The following ANKRA2 variants were observed in gnomAD, a reference collection of about 807,000 sequenced individuals.
The protein encoded by ANKRA2 is ankyrin repeat family A member 2, also known as ankyrin repeat family A protein 2.
A neutral mutation model predicts 37.8 loss-of-function variants in ANKRA2; 33 were observed. The ratio of observed to expected loss-of-function variants is 0.87; its 90% CI spans 0.66 to 1.17. The LOEUF (loss-of-function observed/expected upper bound fraction) is 1.17. ANKRA2 is among the 50% of genes most tolerant of loss of function. The pLI is 0.00. For missense variants in ANKRA2, 326 were observed against 373.7 expected, an observed-to-expected ratio of 0.87 and a Z score of 1.05; for synonymous variants, 126 against 132.3, an observed-to-expected ratio of 0.95 and a Z score of 0.33.
At position 73,555,640 on chromosome 5, in the gene ANKRA2, T is replaced by C. The variant is rs1747380547; in HGVS notation, c.515-55A>G. On this transcript the variant is annotated intron_variant, in intron 4 of 8. Transcript: ENST00000296785. ...CTAATTTAACAACCATATCTTAATA[T>C]CACTATGAAAAACTGGCATTCCAAA... The C allele has an allele frequency of 4.7e-6, 7 of 1,479,456 alleles. No homozygotes were observed. In the Admixed American group the frequency reaches 7.0e-5, roughly 15 times the overall value. The allele number at this position is 1,479,456 out of a possible 1,614,324, so 91.6% of individuals were successfully genotyped here.
At chr5:73,557,124 C>T (rs1278726643) in intron 4 of ANKRA2, among the ~76,000 whole-genome samples, 1 of 150,092 alleles carries the variant, frequency 6.7e-6, no homozygotes, top group Non-Finnish European at 1.5e-5. Context: ...TAACATAGAA[C>T]ACGTACATGC....
At chr5:73,555,607 T>C (rs1175572586) in intron 4 of ANKRA2, 22 bp from the exon 5 acceptor site, 1 of 1,594,180 alleles carries the variant, frequency 6.3e-7, no homozygotes, top group East Asian at 2.2e-5. Flanking sequence ...AAAAGCAATT[T>C]TTGTGATCTA....
rs2112029411 is a variant in ANKRA2 at position 73,564,870 on chromosome 5, G to A, written c.-105+262C>T. ...GGTAGGCCAAAATTTTGAAGAACAG[G>A]AGAGGGAGGCGGGGGTGAGGGGAGT... On this transcript the variant is annotated intron_variant, in intron 1 of 8. Coordinates refer to ENST00000296785, the MANE Select transcript of ANKRA2 (RefSeq NM_023039.5). Among the ~76,000 whole-genome samples, 2 of 151,886 alleles carry A rather than the reference G, an allele frequency of 1.3e-5. 1 individual carries two copies. The highest frequency in any genetic ancestry group is 4.1e-4 in the South Asian group (2 of 4,824).
chr5:73,558,531 A>AATTT (rs1393333526), intron 3 of ANKRA2, among the ~76,000 whole-genome samples: 3 of 151,930 alleles, frequency 2.0e-5, no homozygotes, highest in East Asian at 1.9e-4. Context: ...CTTGAGAGTA[A>AATTT]ATTTATTTAT....
In ANKRA2 at chr5:73,565,191, ACT is replaced by A. The variant is rs1747696331; in HGVS notation, c.-166_-165del. 1.3e-5 allele frequency: 2 copies of A among 151,514 alleles called. No homozygotes were observed. The highest frequency in any genetic ancestry group is 4.9e-5 in the African/African-American group (2 of 41,196). 9.4% of individuals were successfully genotyped at this position (151,514 alleles called of 1,614,324 possible). ...CCCGCTGTCTCCCGCTGGAGGGGAG[ACT>A]CTTGCAGGAAAGAAAGTCCGTTCTG... On this transcript the variant is annotated 5_prime_UTR_variant, in exon 1 of 9. An upstream open reading frame in the 5' UTR loses its in-frame stop. Coordinates refer to ENST00000296785, the MANE Select transcript of ANKRA2 (RefSeq NM_023039.5).
At chr5:73,562,549 CA>C in intron 2 of ANKRA2, 43 bp downstream of exon 2, 1 of 1,513,098 alleles carries the variant, frequency 6.6e-7, no homozygotes, top group Non-Finnish European at 8.9e-7. Flanking sequence ...CCCAAATATA[CA>C]AAAACAAAAA....
Position 73,552,720 on chromosome 5 carries a change from A to G in ANKRA2, c.*77T>C. On this transcript the variant is annotated 3_prime_UTR_variant, in exon 9 of 9. Coordinates refer to ENST00000296785, the MANE Select transcript of ANKRA2 (RefSeq NM_023039.5). ...AGTAAATATTGCAACTGAGGTAAAA[A>G]TTTATAAGTAAACAAAACTATCATT... The G allele has an allele frequency of 7.1e-7, 1 of 1,403,706 alleles. No individual in the cohort carries two copies. Among genetic ancestry groups the G allele is most frequent in the South Asian group, 1.3e-5 (1 of 79,826 alleles). The allele number at this position is 1,403,706 out of a possible 1,614,324, so 87.0% of individuals were successfully genotyped here.
At chr5:73,555,795 GATAGCAT>G (rs1437553387) in intron 4 of ANKRA2, among the ~76,000 whole-genome samples, 1 of 152,176 alleles carries the variant, frequency 6.6e-6, no homozygotes, top group Non-Finnish European at 1.5e-5. Context: ...GCCGGGTTCA[GATAGCAT>G]ATTACTTAAA....
At chr5:73,558,846 T>C (rs1216201325) in intron 3 of ANKRA2, among the ~76,000 whole-genome samples, 1 of 152,218 alleles carries the variant, frequency 6.6e-6, no homozygotes, top group East Asian at 1.9e-4. Context: ...GAATAAATTC[T>C]TGAGTGTAGG....
Position 73,555,639 on chromosome 5 carries a change from A to C in ANKRA2, c.515-54T>G, listed in dbSNP as rs1747380488. ...TCTAATTTAACAACCATATCTTAAT[A>C]TCACTATGAAAAACTGGCATTCCAA... is the stretch of plus-strand genomic sequence containing the variant. On this transcript the variant is annotated intron_variant, in intron 4 of 8. Coordinates refer to ENST00000296785, the MANE Select transcript of ANKRA2 (RefSeq NM_023039.5). The C allele has an allele frequency of 6.8e-6, 10 of 1,479,528 alleles. No individual in the cohort carries two copies. In the East Asian group the frequency reaches 2.3e-4, roughly 34 times the overall value. The allele number at this position is 1,479,528 out of a possible 1,614,324, so 91.7% of individuals were successfully genotyped here. A position where few individuals can be genotyped will look rare whatever the true frequency, so the allele number is the denominator to read the frequency against.
At position 73,553,493 on chromosome 5, in the gene ANKRA2, C is replaced by A. The variant is rs1461760290; in HGVS notation, c.806-7G>T. ...GTTGGATCAGCCCCACTTTCTATAC[C>A]AAAATAGAAAAACTACATAAATGAA... is the stretch of plus-strand genomic sequence containing the variant. On this transcript the variant is annotated splice_region_variant and splice_polypyrimidine_tract_variant and intron_variant, in intron 7 of 8. Transcript: ENST00000296785. 1 of 1,599,446 alleles carries A rather than the reference C, an allele frequency of 6.3e-7. No homozygotes were observed. Among genetic ancestry groups the A allele is most frequent in the South Asian group, 1.1e-5 (1 of 90,658 alleles).
In ANKRA2 at chr5:73,554,484, A is replaced by G. The variant is rs558171197; in HGVS notation, c.739-96T>C. 7.6e-4 allele frequency: 598 copies of G among 791,886 alleles called. 14 individuals are homozygous for G. The South Asian group carries it at 9.3e-3, about 12-fold the overall frequency. The allele number at this position is 791,886 out of a possible 1,614,324, so 49.1% of individuals were successfully genotyped here. On this transcript the variant is annotated intron_variant, in intron 6 of 8. Transcript: ENST00000296785. ...GAAGTTTTACTAGAATTAGACATATAATCATTTAAAGTAATTTTAATATTT... is the reference window on the plus strand; with the variant it reads ...GAAGTTTTACTAGAATTAGACATATGATCATTTAAAGTAATTTTAATATTT...
At chr5:73,561,436 C>A (rs1747551500) in intron 2 of ANKRA2, 148 bp from the exon 3 acceptor site, 1 of 787,048 alleles carries the variant, frequency 1.3e-6, no homozygotes, top group Non-Finnish European at 1.9e-6. Flanking sequence ...TCATTAAAGT[C>A]CATACTTCCT....
Position 73,562,639 on chromosome 5 carries a change from T to C in ANKRA2, c.243A>G (p.Gln81=), listed in dbSNP as rs1162260857. The change falls in exon 2 of 9, where the codon CAA becomes CAG. Residue 81 remains glutamine, a synonymous_variant. Coordinates refer to ENST00000296785, the MANE Select transcript of ANKRA2 (RefSeq NM_023039.5). ...CCTCCAGGTCAGAGTTAACCTGATCTTGAATATTTTTACTATCTTCTTCAT... is the reference window on the plus strand; with the variant it reads ...CCTCCAGGTCAGAGTTAACCTGATCCTGAATATTTTTACTATCTTCTTCAT... ...SLNEEDSKNI[Q]DQVNSDLEVA... is the part of the protein sequence containing the mutation. 2 of 1,614,216 alleles carry C rather than the reference T, an allele frequency of 1.2e-6. No homozygotes were observed. Among genetic ancestry groups the C allele is most frequent in the Non-Finnish European group, 1.7e-6 (2 of 1,180,032 alleles).
Position 73,562,731 on chromosome 5 carries a change from C to A in ANKRA2, c.151G>T (p.Gly51Ter), listed in dbSNP as rs559271065. Residue 51 changes from glycine to a stop codon, truncating the protein, a stop_gained, in exon 2 of 9, where the codon GGA becomes TGA. Transcript: ENST00000296785. LOFTEE classifies it high-confidence loss of function. Reference sequence around the variant, plus strand: ...CGGTTAGGCAATATGAATTTCATTCCCATGGCAACACCCTGAGCTGACCCT... The same window carrying A: ...CGGTTAGGCAATATGAATTTCATTCACATGGCAACACCCTGAGCTGACCCT... Reference protein sequence around the residue: ...EEGSAQGVAMGMKFILPNRFD... With the variant: ...EEGSAQGVAM 1.2e-6 allele frequency: 2 copies of A among 1,614,104 alleles called. No individual in the cohort carries two copies. The highest frequency in any genetic ancestry group is 2.2e-5 in the South Asian group (2 of 91,078).
chr5:73,559,211 A>ATTCT (rs901421999), intron 3 of ANKRA2, among the ~76,000 whole-genome samples: 17 of 152,312 alleles, frequency 1.1e-4, no homozygotes, highest in African/African-American at 3.4e-4. Flanking sequence ...GTGACTCAGA[A>ATTCT]ATCAGGAGGG....
rs1008331184 is a variant in ANKRA2, at chr5:73,554,303, T to C, written c.805+19A>G. 1.2e-6 allele frequency: 2 copies of C among 1,609,332 alleles called. No homozygotes were observed. The highest frequency in any genetic ancestry group is 2.7e-5 in the African/African-American group (2 of 74,804). On this transcript the variant is annotated intron_variant, in intron 7 of 8. Transcript: ENST00000296785. ...AATCAAGTCCTCACATGGCATTTTC[T>C]AAATTTTTATCTGCTTACCTAAGAG...
At chr5:73,561,731 C>T (rs1312753641) in intron 2 of ANKRA2, among the ~76,000 whole-genome samples, 1 of 151,928 alleles carries the variant, frequency 6.6e-6, no homozygotes, top group African/African-American at 2.4e-5. Context: ...CTCGCCACTG[C>T]ACTCCAGCCT....
Position 73,554,543 on chromosome 5 carries a change from A to G in ANKRA2, c.739-155T>C, listed in dbSNP as rs537222529. The G allele has an allele frequency of 2.6e-4, 154 of 587,050 alleles. 3 individuals are homozygous for G. The South Asian group carries it at 3.5e-3, about 13-fold the overall frequency. The allele number at this position is 587,050 out of a possible 1,614,324, so 36.4% of individuals were successfully genotyped here. On this transcript the variant is annotated intron_variant, in intron 6 of 8. Coordinates refer to ENST00000296785, the MANE Select transcript of ANKRA2 (RefSeq NM_023039.5). ...ATACTTAAATCAGAACTAATAATTG[A>G]GTCTATGATATTAACTTTTTCTTCT... is the stretch of plus-strand genomic sequence containing the variant.
Sources: gnomAD v4.1 joint callset for allele counts (sites outside exome capture counted in the v4.1 genomes callset) on GRCh38, gnomAD v4.1.1 for gene constraint, MANE v1.5 for transcripts, NCBI Gene and HGNC (gene_info 2026-07-23, HGNC 2026-07-21) for gene names.